The following UPK3A variants were observed in gnomAD, a reference collection of about 807,000 sequenced individuals.
The protein encoded by UPK3A is uroplakin-3a.
UPK3A carries 32 observed loss-of-function variants against 27.6 expected under a neutral mutation model. The ratio of observed to expected loss-of-function variants is 1.16; its 90% CI spans 0.87 to 1.55. The LOEUF is 1.55. UPK3A is among the 40% of genes most tolerant of loss of function. The pLI, the probability that UPK3A is intolerant of heterozygous loss-of-function variation, is 0.00. For missense variants in UPK3A, 370 were observed against 367.9 expected, an observed-to-expected ratio of 1.01 and a Z score of -0.05; for synonymous variants, 171 against 163.9, an observed-to-expected ratio of 1.04 and a Z score of -0.33.
intron 1 of UPK3A, among the ~76,000 whole-genome samples, chr22:45,285,576 G>T (rs912205058): frequency 6.6e-6 from 1 of 152,058 alleles, no homozygotes; most frequent in South Asian, 2.1e-4. Flanking sequence ...GGCGCTGGGG[G>T]ACCATGGGAG....
intron 4 of UPK3A, among the ~76,000 whole-genome samples, chr22:45,291,631 ATGTGTAG>A (rs2084162145): frequency 9.3e-6 from 1 of 107,304 alleles, no homozygotes; most frequent in Admixed American, 9.7e-5. Flanking sequence ...GGGAGTTGGT[ATGTGTAG>A]TGTGTGGTGT....
At chr22:45,285,687 T>C (rs1217600509) in intron 1 of UPK3A, among the ~76,000 whole-genome samples, 3 of 151,846 alleles carry the variant, frequency 2.0e-5, no homozygotes, top group East Asian at 3.9e-4. Context: ...CATGGAGAGA[T>C]GCTTAGGAGG....
intron 4 of UPK3A, among the ~76,000 whole-genome samples, chr22:45,290,854 G>C: frequency 6.6e-6 from 1 of 152,148 alleles, no homozygotes. Flanking sequence ...GTTGTGAACT[G>C]CGCATGCCAG....
Position 45,287,359 on chromosome 22 carries a change from C to A in UPK3A, c.396C>A (p.Tyr132Ter), listed in dbSNP as rs138640270. The change falls in exon 3 of 6, where the codon TAC (tyrosine) becomes TAA (stop). Residue 132 changes from tyrosine to a stop codon, truncating the protein, a stop_gained. Coordinates refer to ENST00000216211, the MANE Select transcript of UPK3A (RefSeq NM_006953.4). LOFTEE classifies it high-confidence loss of function. ...AGGCCTCACAGATCCTGAATGCCTA[C>A]CTGGTCAGGGTGGGTGCCAACGGGA... Reference protein sequence around the residue: ...VSKASQILNAYLVRVGANGTC... With the variant: ...VSKASQILNA 5.0e-6 allele frequency: 8 copies of A among 1,613,994 alleles called. No homozygotes were observed. In the African/African-American group the frequency reaches 1.1e-4, roughly 22 times the overall value.
chr22:45,294,827 C>G (rs2084184342), intron 5 of UPK3A, among the ~76,000 whole-genome samples: 1 of 152,018 alleles, frequency 6.6e-6, no homozygotes, highest in South Asian at 2.1e-4. Flanking sequence ...CTGCCTCACA[C>G]CCACCATGTG....
rs1183849609 is a variant in UPK3A at position 45,285,950 on chromosome 22, T to C, written c.62T>C (p.Leu21Pro). The C allele has an allele frequency of 6.2e-7, 1 of 1,613,902 alleles. No individual in the cohort carries two copies. The highest frequency in any genetic ancestry group is 1.3e-5 in the African/African-American group (1 of 74,904). The change falls in exon 2 of 6, where the codon CTG becomes CCG. Residue 21 changes from leucine to proline, a missense_variant. Physicochemically the swap from Leu to Pro is moderately conservative, Grantham distance 98. Coordinates refer to ENST00000216211, the MANE Select transcript of UPK3A (RefSeq NM_006953.4). ...TCACTGCCTCCTCCAGCTGTGAACC[T>C]GCAGCCCCAACTGGCCAGTGTGACT... ...GCLRFGSAVNLQPQLASVTFA... is the reference protein window; with the variant it reads ...GCLRFGSAVNPQPQLASVTFA...
At chr22:45,293,430 C>T (rs1380514713) in intron 5 of UPK3A, 117 bp downstream of exon 5, 3 of 1,350,144 alleles carry the variant, frequency 2.2e-6, no homozygotes, top group Non-Finnish European at 3.1e-6. Flanking sequence ...GGCAAGGAAG[C>T]TACCCTCTGC....
At chr22:45,286,205 T>A in intron 2 of UPK3A, 109 bp downstream of exon 2, 2 of 1,433,712 alleles carry the variant, frequency 1.4e-6, no homozygotes, top group Non-Finnish European at 1.9e-6. Flanking sequence ...GTCGTCTCAT[T>A]AAACAGGTAC....
At chr22:45,286,930 G>C (rs541094755) in intron 2 of UPK3A, among the ~76,000 whole-genome samples, 3 of 152,150 alleles carry the variant, frequency 2.0e-5, no homozygotes, top group African/African-American at 7.2e-5. Context: ...TGGGATGGGG[G>C]GTTGCAGGAA....
In UPK3A at chr22:45,295,648, TC is replaced by T; in HGVS notation, c.795del (p.Tyr266ThrfsTer4). The T allele has an allele frequency of 6.2e-7, 1 of 1,613,884 alleles. No homozygotes were observed. The highest frequency in any genetic ancestry group is 1.7e-4 in the Middle Eastern group (1 of 6,058). ...CAAGTCGCTGGGGGCCTCGGAGTCTTCCTACACGTCCGTGAACCGGGGGCCG... is the reference window on the plus strand; with the variant it reads ...CAAGTCGCTGGGGGCCTCGGAGTCTTCTACACGTCCGTGAACCGGGGGCCG... ...VPKSLGASES[S>X]YTSVNRGPPL... On this transcript the variant is annotated frameshift_variant, in exon 6 of 6. Coordinates refer to ENST00000216211, the MANE Select transcript of UPK3A (RefSeq NM_006953.4). LOFTEE classifies it high-confidence loss of function.
At chr22:45,293,115 G>A (rs1350374973) in intron 4 of UPK3A, 66 bp from the exon 5 acceptor site, 15 of 1,602,374 alleles carry the variant, frequency 9.4e-6, no homozygotes, top group African/African-American at 4.0e-5. Context: ...GACACCCGCC[G>A]CCTCCTGGGA....
intron 5 of UPK3A, among the ~76,000 whole-genome samples, chr22:45,294,532 C>A (rs911749716): frequency 6.6e-6 from 1 of 152,120 alleles, no homozygotes. Flanking sequence ...GGCTGTGTCA[C>A]CTTTACCATT....
Position 45,289,094 on chromosome 22 carries a change from C to T in UPK3A, c.522C>T (p.Gly174=), listed in dbSNP as rs267606270. 1 of 1,614,004 alleles carries T rather than the reference C, an allele frequency of 6.2e-7. No individual in the cohort carries two copies. Among genetic ancestry groups the T allele is most frequent in the Non-Finnish European group, 8.5e-7 (1 of 1,180,010 alleles). ...FKYVLVNMST[G]LVEDQTLWSD... ...ATGTCCTGGTCAATATGTCCACGGG[C>T]TTGGTAGAGGACCAGACCCTGTGGT... Residue 174 remains glycine (G), a synonymous_variant, in exon 4 of 6, where the codon GGC becomes GGT. Transcript: ENST00000216211.
rs772251329 is a variant in UPK3A at position 45,287,411 on chromosome 22, G to A, written c.448G>A (p.Gly150Ser). ...GTCLWDPNFQ[G>S]LCNAPLSAAT... ...CTGCCTGTGGGATCCCAACTTCCAG[G>A]GCCTCTGTAACGCACCCCTGTCGGC... is the stretch of plus-strand genomic sequence containing the variant. Residue 150 changes from glycine to serine, a missense_variant, in exon 3 of 6, where the codon GGC becomes AGC. Physicochemically the swap from Gly to Ser is moderately conservative, Grantham distance 56. Coordinates refer to ENST00000216211, the MANE Select transcript of UPK3A (RefSeq NM_006953.4). The A allele has an allele frequency of 6.2e-7, 1 of 1,610,686 alleles. No individual in the cohort carries two copies. Among genetic ancestry groups the A allele is most frequent in the African/African-American group, 1.3e-5 (1 of 74,988 alleles).
At chr22:45,287,117 G>A in intron 2 of UPK3A, 55 bp from the exon 3 acceptor site, 1 of 1,610,910 alleles carries the variant, frequency 6.2e-7, no homozygotes, top group Non-Finnish European at 8.5e-7. Context: ...ATAACTGAGT[G>A]AGTGTCGCTG....
chr22:45,286,134 G>C (rs778301420), intron 2 of UPK3A, 38 bp downstream of exon 2: 1 of 1,612,754 alleles, frequency 6.2e-7, no homozygotes, highest in African/African-American at 1.3e-5. Context: ...TCCAAAAGGG[G>C]CTCTGACCTG....
intron 3 of UPK3A, among the ~76,000 whole-genome samples, chr22:45,287,932 T>C (rs1377786432): frequency 2.6e-5 from 4 of 152,190 alleles, no homozygotes; most frequent in Non-Finnish European, 4.4e-5. Context: ...CTCCATAGTA[T>C]TGGGTTACGG....
In UPK3A at chr22:45,286,089, C is replaced by A; in HGVS notation, c.201C>A (p.Val67=). The A allele has an allele frequency of 6.2e-7, 1 of 1,614,058 alleles. No individual in the cohort carries two copies. The highest frequency in any genetic ancestry group is 8.5e-7 in the Non-Finnish European group (1 of 1,179,994). The change falls in exon 2 of 6, where the codon GTC becomes GTA. Residue 67 remains valine (V), a synonymous_variant. Coordinates refer to ENST00000216211, the MANE Select transcript of UPK3A (RefSeq NM_006953.4). ...ACGAGGTCTACCTGTATGTCCTGGT[C>A]GACTCAGGTAAGGGTCCTGCTTCCC... ...GTHEVYLYVL[V]DSAISRNASV...
intron 3 of UPK3A, among the ~76,000 whole-genome samples, chr22:45,287,853 G>T (rs2084130180): frequency 6.6e-6 from 1 of 151,976 alleles, no homozygotes; most frequent in African/African-American, 2.4e-5. Flanking sequence ...TAGTACAGAT[G>T]GGGTTTCATC....
Sources: allele counts gnomAD v4.1 joint callset (sites outside exome capture counted in the v4.1 genomes callset), GRCh38; gene constraint gnomAD v4.1.1; transcripts MANE v1.5; gene names NCBI Gene and HGNC (gene_info 2026-07-23, HGNC 2026-07-21).